Variants in PLEKHG7 observed in about 807,000 individuals in gnomAD.
PLEKHG7 encodes pleckstrin homology domain-containing family G member 7.
Under a neutral mutation model 85.2 loss-of-function variants are expected in PLEKHG7, and 77 were observed. That is an observed-to-expected ratio of 0.90 (90% confidence interval 0.75 to 1.09). The LOEUF is 1.09. PLEKHG7 is among the 50% of genes least tolerant of loss of function. The probability of loss-of-function intolerance (pLI) is 0.00; values close to 1 mark genes in which losing one functional copy is unlikely to be tolerated. For missense variants in PLEKHG7, 777 were observed against 804.3 expected (o/e 0.97, Z 0.41); for synonymous variants, 301 against 302.4 (o/e 1.00, Z 0.05).
At position 92,770,260 on chromosome 12, in the gene PLEKHG7, T is replaced by A; in HGVS notation, c.*65T>A. ...GTTTAAGGTATAATTTCATTCAAAGTTTTGTAACACTTAGCTAGTGATAAG... is the reference window on the plus strand; with the variant it reads ...GTTTAAGGTATAATTTCATTCAAAGATTTGTAACACTTAGCTAGTGATAAG... On this transcript the variant is annotated 3_prime_UTR_variant, in exon 17 of 17. Coordinates refer to ENST00000344636, the MANE Select transcript of PLEKHG7 (RefSeq NM_001377329.1). 1 of 1,206,226 alleles carries A rather than the reference T, an allele frequency of 8.3e-7. No individual in the cohort carries two copies. Among genetic ancestry groups the A allele is most frequent in the Non-Finnish European group, 1.2e-6 (1 of 843,132 alleles). 74.7% of individuals were successfully genotyped at this position (1,206,226 alleles called of 1,614,324 possible). A position where few individuals can be genotyped will look rare whatever the true frequency, so the allele number is the denominator to read the frequency against.
chr12:92,708,002 T>G (rs1871289436), intron 3 of PLEKHG7: 1 of 351,342 alleles, frequency 2.8e-6, no homozygotes, highest in Non-Finnish European at 5.2e-6. Context: ...GCCAGAGATA[T>G]GCAACAGCTT....
In PLEKHG7 at chr12:92,761,834, A is replaced by T; in HGVS notation, c.1716+3A>T. 6.4e-7 allele frequency: 1 copy of T among 1,572,208 alleles called. No individual in the cohort carries two copies. Among genetic ancestry groups the T allele is most frequent in the Non-Finnish European group, 8.6e-7 (1 of 1,165,944 alleles). ...CGAAAACTAAGTGCAACAAAAAGGT[A>T]AAATGCTGCTATTTCAAAGTACGTT... On this transcript the variant is annotated splice_donor_region_variant and intron_variant, in intron 14 of 16. Coordinates refer to ENST00000344636, the MANE Select transcript of PLEKHG7 (RefSeq NM_001377329.1).
chr12:92,738,836 A>G (rs751483889), intron 7 of PLEKHG7, among the ~76,000 whole-genome samples: 55 of 152,244 alleles, frequency 3.6e-4, no homozygotes, highest in Non-Finnish European at 5.9e-4. Context: ...TTTTTTGTCA[A>G]TCACAGTGCT....
intron 4 of PLEKHG7, among the ~76,000 whole-genome samples, chr12:92,729,917 A>C (rs1370262206): frequency 1.3e-5 from 2 of 152,068 alleles, no homozygotes; most frequent in African/African-American, 4.8e-5. Context: ...CAGTTTAAAA[A>C]CCACCAGGGT....
intron 10 of PLEKHG7, among the ~76,000 whole-genome samples, chr12:92,746,631 C>G (rs12300439): frequency 0.061 from 9,277 of 152,294 alleles, 322 homozygotes; most frequent in Middle Eastern, 0.092. Flanking sequence ...CTGGGAGAAT[C>G]CAGGTTCCTT....
chr12:92,751,669 C>T (rs538050655), intron 10 of PLEKHG7, among the ~76,000 whole-genome samples: 7 of 151,932 alleles, frequency 4.6e-5, no homozygotes, highest in South Asian at 4.2e-4. Context: ...CCACCACGCC[C>T]GGCCAAGAAG....
At chr12:92,734,352 A>C (rs1008717243) in intron 5 of PLEKHG7, among the ~76,000 whole-genome samples, 1 of 152,126 alleles carries the variant, frequency 6.6e-6, no homozygotes, top group Admixed American at 6.6e-5. Context: ...TTAGTAATAA[A>C]AGCTAACACC....
rs1873378845 is a variant in PLEKHG7, at chr12:92,770,495, A to C, written c.*300A>C. ...AAAGGTGCTAATTTGTAAAGGGTGA[A>C]TGATCAGATAAATGGAGTATCAGAA... On this transcript the variant is annotated 3_prime_UTR_variant, in exon 17 of 17. Transcript: ENST00000344636. 3.5e-6 allele frequency: 1 copy of C among 287,680 alleles called. No homozygotes were observed. Among genetic ancestry groups the C allele is most frequent in the Non-Finnish European group, 6.4e-6 (1 of 155,410 alleles). The allele number at this position is 287,680 out of a possible 1,614,324, so 17.8% of individuals were successfully genotyped here.
At chr12:92,756,049 C>A in intron 12 of PLEKHG7, 109 bp downstream of exon 12, 1 of 813,882 alleles carries the variant, frequency 1.2e-6, no homozygotes, top group Non-Finnish European at 2.0e-6. Flanking sequence ...AAGAATAAAT[C>A]TAGTTTCATG....
Position 92,737,364 on chromosome 12 carries a change from T to TC in PLEKHG7, c.796-11dup. 3 of 1,410,392 alleles carry TC rather than the reference T, an allele frequency of 2.1e-6. No homozygotes were observed. The highest frequency in any genetic ancestry group is 2.8e-6 in the Non-Finnish European group (3 of 1,081,278). The allele number at this position is 1,410,392 out of a possible 1,614,324, so 87.4% of individuals were successfully genotyped here. ...GTGGAAATGTTTTGTTCTCTCTTTTTCCCTCATGTACAGGATAAGACCTGG... is the reference window on the plus strand; with the variant it reads ...GTGGAAATGTTTTGTTCTCTCTTTTTCCCCTCATGTACAGGATAAGACCTGG... On this transcript the variant is annotated splice_polypyrimidine_tract_variant and intron_variant, in intron 6 of 16. Coordinates refer to ENST00000344636, the MANE Select transcript of PLEKHG7 (RefSeq NM_001377329.1).
intron 3 of PLEKHG7, among the ~76,000 whole-genome samples, chr12:92,724,753 T>G (rs11834811): frequency 0.017 from 2,558 of 152,274 alleles, 72 homozygotes; most frequent in African/African-American, 0.057. Flanking sequence ...TTTTCCAGGA[T>G]TCACATGCTT....
chr12:92,747,102 G>C (rs1310265949), intron 10 of PLEKHG7, among the ~76,000 whole-genome samples: 1 of 152,090 alleles, frequency 6.6e-6, no homozygotes, highest in Non-Finnish European at 1.5e-5. Flanking sequence ...CTGCAGAATG[G>C]GAGAAAATAT....
chr12:92,706,694 G>T lies in PLEKHG7; in HGVS notation c.63G>T (p.Arg21=). Residue 21 remains arginine, a synonymous_variant, in exon 2 of 17, where the codon CGG becomes CGT. Transcript: ENST00000344636. ...VPPQDCGASP[R]PSLRSLPKNQ... ...CCCAAGACTGTGGAGCCTCTCCTCG[G>T]CCCTCGCTGAGGAGCCTGCCAAAGA... 1.2e-6 allele frequency: 2 copies of T among 1,614,066 alleles called. No individual in the cohort carries two copies. Among genetic ancestry groups the T allele is most frequent in the Non-Finnish European group, 1.7e-6 (2 of 1,180,006 alleles).
At chr12:92,707,385 T>G (rs1026123043) in intron 2 of PLEKHG7, 2 of 1,427,696 alleles carry the variant, frequency 1.4e-6, no homozygotes, top group Non-Finnish European at 1.8e-6. Context: ...TGAGAAAGGA[T>G]GCACCAAGGC....
At chr12:92,746,125 T>C (rs2136611071) in intron 10 of PLEKHG7, among the ~76,000 whole-genome samples, 1 of 152,346 alleles carries the variant, frequency 6.6e-6, no homozygotes, top group Middle Eastern at 3.4e-3. Context: ...TCCTTCAGCA[T>C]TTTCTAGTAG....
intron 3 of PLEKHG7, among the ~76,000 whole-genome samples, chr12:92,725,113 C>G (rs182338356): frequency 8.8e-4 from 134 of 152,228 alleles, no homozygotes; most frequent in African/African-American, 2.8e-3. Flanking sequence ...CTCCTTAACA[C>G]AGATAATCCA....
In PLEKHG7 at chr12:92,741,531, A is replaced by G. The variant is rs140363236; in HGVS notation, c.1076A>G (p.Lys359Arg). The G allele has an allele frequency of 8.1e-6, 13 of 1,613,028 alleles. No individual in the cohort carries two copies. The African/African-American group carries it at 1.6e-4, about 20-fold the overall frequency. Residue 359 changes from lysine (K) to arginine (R), a missense_variant, in exon 9 of 17, where the codon AAG becomes AGG. Transcript: ENST00000344636. Reference sequence around the variant, plus strand: ...GTGAACAGTCTCTTTGGCATCATCAAGGACTATGTAGACGCTTCTGAGATT... The same window carrying G: ...GTGAACAGTCTCTTTGGCATCATCAGGGACTATGTAGACGCTTCTGAGATT... ...GFVNSLFGIIKDYVDASEISS... is the reference protein window; with the variant it reads ...GFVNSLFGIIRDYVDASEISS...
intron 3 of PLEKHG7, among the ~76,000 whole-genome samples, chr12:92,728,781 T>C (rs1871898093): frequency 6.6e-6 from 1 of 152,186 alleles, no homozygotes; most frequent in South Asian, 2.1e-4. Flanking sequence ...ATTGCTGGGT[T>C]GAATGGTAGT....
Position 92,764,104 on chromosome 12 carries a change from AT to A in PLEKHG7, c.1781del (p.Ile594LysfsTer16). On this transcript the variant is annotated frameshift_variant, in exon 15 of 17. Coordinates refer to ENST00000344636, the MANE Select transcript of PLEKHG7 (RefSeq NM_001377329.1). LOFTEE classifies it high-confidence loss of function. Reference protein sequence around the residue: ...PSLTPELQAVIKEGGSCTVLD... With the variant: ...PSLTPELQAVXKEGGSCTVLD... ...TCTTACTCCTGAGTTGCAAGCAGTAATAAAAGAGGGTGGTTCGTGTACAGTA... is the reference window on the plus strand; with the variant it reads ...TCTTACTCCTGAGTTGCAAGCAGTAAAAAAGAGGGTGGTTCGTGTACAGTA... 6.2e-7 allele frequency: 1 copy of A among 1,613,296 alleles called. No homozygotes were observed. Among genetic ancestry groups the A allele is most frequent in the Non-Finnish European group, 8.5e-7 (1 of 1,179,570 alleles).
Sources: allele counts gnomAD v4.1 joint callset (sites outside exome capture counted in the v4.1 genomes callset), GRCh38; gene constraint gnomAD v4.1.1; transcripts MANE v1.5; gene names NCBI Gene and HGNC (gene_info 2026-07-23, HGNC 2026-07-21).